Variants in NRXN1 observed in about 807,000 individuals in gnomAD.
NRXN1 encodes neurexin-1.
In NRXN1, 39 loss-of-function variants were observed where a neutral mutation model predicts 150.9. That is an observed-to-expected ratio of 0.26 (90% CI 0.20 to 0.34). The LOEUF is 0.34. Among genes scored for constraint, NRXN1 ranks in the 10% least tolerant of loss-of-function variants. The pLI, the probability that NRXN1 is intolerant of heterozygous loss-of-function variation, is 1.00. For missense variants in NRXN1, 1,815 were observed against 1,949.9 expected (o/e 0.93, Z 1.30); for synonymous variants, 924 against 757.0 (o/e 1.22, Z -3.62).
intron 17 of NRXN1, among the ~76,000 whole-genome samples, chr2:50,267,981 G>A (rs1488547342): frequency 1.3e-5 from 2 of 152,090 alleles, no homozygotes; most frequent in African/African-American, 4.8e-5. Context: ...CCTGAGCTCA[G>A]GAGTTTGCGA....
At chr2:50,038,352 C>G (rs1200379351) in intron 21 of NRXN1, among the ~76,000 whole-genome samples, 4 of 152,184 alleles carry the variant, frequency 2.6e-5, no homozygotes, top group Non-Finnish European at 4.4e-5. Context: ...GCCTGTGGCT[C>G]CTATCCTGGG....
chr2:50,371,225 T>C (rs1335776683), intron 17 of NRXN1, among the ~76,000 whole-genome samples: 2 of 151,978 alleles, frequency 1.3e-5, no homozygotes, highest in African/African-American at 4.8e-5. Context: ...CACACAAACC[T>C]TCTGTGCTTT....
chr2:50,337,145 G>T (rs1401893685), intron 17 of NRXN1, among the ~76,000 whole-genome samples: 1 of 149,790 alleles, frequency 6.7e-6, no homozygotes, highest in Non-Finnish European at 1.5e-5. Context: ...GTGTGCAATG[G>T]CTTGATCTCG....
chr2:50,664,493 T>A (rs562573692), intron 5 of NRXN1, among the ~76,000 whole-genome samples: 2 of 150,500 alleles, frequency 1.3e-5, no homozygotes, highest in South Asian at 2.1e-4. Flanking sequence ...TTTCTCTACA[T>A]TGATGATTTA....
chr2:50,621,336 G>A (rs1679982412), intron 6 of NRXN1, 87 bp from the exon 7 acceptor site: 3 of 1,011,098 alleles, frequency 3.0e-6, no homozygotes, highest in South Asian at 3.0e-5. Context: ...TCTCTACCAT[G>A]TTAGTACATT....
At chr2:50,872,789 C>T (rs1415867103) in intron 5 of NRXN1, among the ~76,000 whole-genome samples, 3 of 151,462 alleles carry the variant, frequency 2.0e-5, no homozygotes, top group Non-Finnish European at 4.4e-5. Flanking sequence ...CTTGTCTCTA[C>T]AAAAGAATAA....
In NRXN1 at chr2:49,922,096, G is replaced by A. The variant is rs201785664; in HGVS notation, c.4372C>T (p.Arg1458Trp). The A allele has an allele frequency of 6.2e-7, 1 of 1,614,062 alleles. No homozygotes were observed. Residue 1458 changes from arginine (R) to tryptophan (W), a missense_variant, in exon 23 of 23, where the codon CGG becomes TGG. Physicochemically the swap from Arg to Trp is moderately radical, Grantham distance 101. Coordinates refer to ENST00000401669, the MANE Select transcript of NRXN1 (RefSeq NM_001330078.2). ...LLYAMYKYRNRDEGSYHVDES... is the reference protein window; with the variant it reads ...LLYAMYKYRNWDEGSYHVDES... ...TCCACATGGTATGAGCCTTCATCCC[G>A]GTTTCTGTACTTGTACATGGCATAG...
chr2:50,708,560 C>A (rs1460423720), intron 5 of NRXN1, among the ~76,000 whole-genome samples: 1 of 152,114 alleles, frequency 6.6e-6, no homozygotes, highest in African/African-American at 2.4e-5. Context: ...AGTTTCTTGA[C>A]CTTGAATTGT....
chr2:50,580,233 A>T (rs1353214981), intron 8 of NRXN1, among the ~76,000 whole-genome samples: 1 of 152,202 alleles, frequency 6.6e-6, no homozygotes, highest in African/African-American at 2.4e-5. Flanking sequence ...AATCGATGTC[A>T]TCCAATGTAT....
intron 20 of NRXN1, among the ~76,000 whole-genome samples, chr2:50,053,846 C>A (rs1011575916): frequency 1.3e-5 from 2 of 152,146 alleles, no homozygotes; most frequent in South Asian, 2.1e-4. Context: ...TATTACAAAT[C>A]AGTTTTTAGT....
intron 17 of NRXN1, among the ~76,000 whole-genome samples, chr2:50,239,697 T>TCC: frequency 8.7e-6 from 1 of 114,458 alleles, no homozygotes; most frequent in African/African-American, 3.8e-5. Context: ...TATATATATA[T>TCC]ATATATATAT....
chr2:50,244,172 G>A (rs1478183961), intron 17 of NRXN1, among the ~76,000 whole-genome samples: 4 of 151,776 alleles, frequency 2.6e-5, no homozygotes, highest in Non-Finnish European at 4.4e-5. Flanking sequence ...TATAAAAAGA[G>A]TATGGTACAT....
At chr2:51,026,336 G>T in intron 2 of NRXN1, 1 of 1,344,750 alleles carries the variant, frequency 7.4e-7, no homozygotes, top group Non-Finnish European at 1.0e-6. Context: ...CTCCTACTTA[G>T]CCACTGATTC....
chr2:50,645,101 T>C lies in NRXN1; in HGVS notation c.833-21486A>G, dbSNP rs575678261. ...AGAGTCACCCCAGTCACTAAACAAA[T>C]TGACCAATTTCAGAGTATTTCCTGC... On this transcript the variant is annotated intron_variant, in intron 5 of 22. Transcript: ENST00000401669. 3.3e-5 allele frequency among the ~76,000 whole-genome samples: 5 copies of C among 151,968 alleles called. 1 individual carries two copies. Among genetic ancestry groups the C allele is most frequent in the African/African-American group, 9.6e-5 (4 of 41,504 alleles).
chr2:50,825,633 T>C (rs1276937532), intron 5 of NRXN1, among the ~76,000 whole-genome samples: 3 of 152,334 alleles, frequency 2.0e-5, no homozygotes, highest in South Asian at 2.1e-4. Flanking sequence ...GTATCCTTTG[T>C]AATATTCTTT....
chr2:50,118,731 G>C (rs1325085180), intron 18 of NRXN1, among the ~76,000 whole-genome samples: 1 of 152,230 alleles, frequency 6.6e-6, no homozygotes, highest in African/African-American at 2.4e-5. Flanking sequence ...GCGTTCCTAT[G>C]GACTTAGTGG....
intron 5 of NRXN1, among the ~76,000 whole-genome samples, chr2:50,858,039 C>A (rs1165180963): frequency 6.6e-6 from 1 of 151,738 alleles, no homozygotes; most frequent in Non-Finnish European, 1.5e-5. Flanking sequence ...ATTTTCTTTT[C>A]CTAAGACCTA....
chr2:50,900,578 T>C (rs946373550), intron 5 of NRXN1, among the ~76,000 whole-genome samples: 1 of 152,140 alleles, frequency 6.6e-6, no homozygotes, highest in African/African-American at 2.4e-5. Context: ...TATGGCTTAC[T>C]CAAGATAGCA....
At chr2:50,728,210 CT>C (rs2105178569) in intron 5 of NRXN1, among the ~76,000 whole-genome samples, 1 of 152,228 alleles carries the variant, frequency 6.6e-6, no homozygotes, top group East Asian at 1.9e-4. Flanking sequence ...TCATAATGTC[CT>C]TCTGCTACTA....
Sources: allele counts gnomAD v4.1 joint callset (sites outside exome capture counted in the v4.1 genomes callset), GRCh38; gene constraint gnomAD v4.1.1; transcripts MANE v1.5; gene names NCBI Gene and HGNC (gene_info 2026-07-23, HGNC 2026-07-21).